The following DTNA variants were observed in gnomAD, a reference collection of about 807,000 sequenced individuals.
The protein encoded by DTNA is dystrophin-related protein 3.
A neutral mutation model predicts 100.7 loss-of-function variants in DTNA; 43 were observed. That is an observed-to-expected ratio of 0.43 (90% CI 0.33 to 0.55). The LOEUF (loss-of-function observed/expected upper bound fraction) is 0.55, where lower values mean the gene tolerates loss of function less well. Among genes scored for constraint, DTNA ranks in the 20% least tolerant of loss-of-function variants. The pLI is 0.04. For missense variants in DTNA, 798 were observed against 953.9 expected (o/e 0.84, Z 2.15); for synonymous variants, 349 against 347.9 (o/e 1.00, Z -0.04).
At chr18:34,721,325 A>T (rs1288396326) in intron 1 of DTNA, among the ~76,000 whole-genome samples, 4 of 152,222 alleles carry the variant, frequency 2.6e-5, no homozygotes, top group Non-Finnish European at 5.9e-5. Context: ...CCCTTTAAAC[A>T]TACTTTCAAG....
At chr18:34,772,183 A>G (rs978667599) in intron 3 of DTNA, among the ~76,000 whole-genome samples, 1 of 152,222 alleles carries the variant, frequency 6.6e-6, no homozygotes, top group Non-Finnish European at 1.5e-5. Flanking sequence ...CATTAGTCAT[A>G]TCAACTAAAA....
intron 3 of DTNA, among the ~76,000 whole-genome samples, chr18:34,772,767 C>A (rs777920383): frequency 6.6e-6 from 1 of 152,206 alleles, no homozygotes; most frequent in Admixed American, 6.5e-5. Context: ...TATTATCTTA[C>A]AGTTTTTGTA....
At chr18:34,589,525 C>G (rs2049478155) in intron 1 of DTNA, among the ~76,000 whole-genome samples, 1 of 152,092 alleles carries the variant, frequency 6.6e-6, no homozygotes, top group South Asian at 2.1e-4. Flanking sequence ...AGGAGAATGG[C>G]ATGAACCCAC....
chr18:34,748,448 G>A (rs1430585464), intron 1 of DTNA, among the ~76,000 whole-genome samples: 2 of 152,084 alleles, frequency 1.3e-5, no homozygotes, highest in Non-Finnish European at 2.9e-5. Context: ...AGGTCTTAGA[G>A]ATAAGTCTTT....
intron 3 of DTNA, among the ~76,000 whole-genome samples, chr18:34,769,703 G>T (rs967677827): frequency 1.5e-5 from 2 of 131,142 alleles, no homozygotes; most frequent in Non-Finnish European, 3.4e-5. Flanking sequence ...CATGGTGGAA[G>T]AAGCAAGGCA....
intron 1 of DTNA, among the ~76,000 whole-genome samples, chr18:34,545,583 T>C (rs2044694348): frequency 6.6e-6 from 1 of 152,114 alleles, no homozygotes; most frequent in Non-Finnish European, 1.5e-5. Context: ...ATGTAAAACA[T>C]TGAAATGGTT....
Position 34,890,335 on chromosome 18 carries a change from CT to C in DTNA, c.*2602del, listed in dbSNP as rs759187091. 1.3e-6 allele frequency: 2 copies of C among 1,536,124 alleles called. No individual in the cohort carries two copies. Among genetic ancestry groups the C allele is most frequent in the Non-Finnish European group, 8.7e-7 (1 of 1,146,898 alleles). On this transcript the variant is annotated 3_prime_UTR_variant, in exon 23 of 23. Coordinates refer to ENST00000444659, the MANE Select transcript of DTNA (RefSeq NM_001386795.1). ...GCACTGAGACCAGACTCGAGCACCC[CT>C]GTCCTGTAAGCGAGACAAAATGGCG...
chr18:34,724,574 G>C (rs893755592), intron 1 of DTNA, among the ~76,000 whole-genome samples: 6 of 152,206 alleles, frequency 3.9e-5, no homozygotes, highest in African/African-American at 1.4e-4. Flanking sequence ...AGGTGAAAGG[G>C]AAATAGCATA....
intron 1 of DTNA, among the ~76,000 whole-genome samples, chr18:34,711,132 G>A (rs1040097092): frequency 1.3e-5 from 2 of 152,056 alleles, no homozygotes; most frequent in Non-Finnish European, 2.9e-5. Flanking sequence ...CTTTTGCTTA[G>A]AGGCTGGTAG....
intron 15 of DTNA, among the ~76,000 whole-genome samples, chr18:34,855,084 A>C (rs1295181195): frequency 6.6e-6 from 1 of 152,174 alleles, no homozygotes; most frequent in Non-Finnish European, 1.5e-5. Flanking sequence ...ATTTCAGGAC[A>C]GTGAAATTTT....
intron 19 of DTNA, among the ~76,000 whole-genome samples, chr18:34,878,272 A>AT (rs1195625968): frequency 2.0e-5 from 3 of 152,024 alleles, no homozygotes; most frequent in African/African-American, 7.2e-5. Flanking sequence ...GCCTATTCAG[A>AT]TTTTTTAAGT....
chr18:34,560,028 A>G (rs1362220521), intron 1 of DTNA, among the ~76,000 whole-genome samples: 2 of 152,122 alleles, frequency 1.3e-5, no homozygotes, highest in Non-Finnish European at 2.9e-5. Context: ...CCTTTCCCAT[A>G]TAGACTTTTC....
At chr18:34,638,442 A>G (rs2058892666) in intron 1 of DTNA, among the ~76,000 whole-genome samples, 1 of 152,218 alleles carries the variant, frequency 6.6e-6, no homozygotes. Flanking sequence ...CAGAGCTGAG[A>G]TTGGAATCTA....
intron 1 of DTNA, chr18:34,493,820 G>T (rs1165442420): frequency 6.7e-6 from 1 of 148,674 alleles, no homozygotes; most frequent in Non-Finnish European, 1.5e-5. Context: ...GCCGGCGGGG[G>T]CAGGGATTCG....
intron 1 of DTNA, among the ~76,000 whole-genome samples, chr18:34,700,057 A>G (rs2081156583): frequency 1.3e-5 from 2 of 152,198 alleles, no homozygotes; most frequent in South Asian, 4.1e-4. Flanking sequence ...CAGACCTCCA[A>G]GCATAAACAA....
intron 1 of DTNA, among the ~76,000 whole-genome samples, chr18:34,679,788 G>A (rs930881358): frequency 1.8e-4 from 27 of 152,090 alleles, no homozygotes; most frequent in Admixed American, 9.2e-4. Flanking sequence ...AAGACTTACC[G>A]TCTTTTTGTT....
intron 22 of DTNA, among the ~76,000 whole-genome samples, chr18:34,885,934 C>G (rs1041033948): frequency 6.6e-6 from 1 of 152,134 alleles, no homozygotes; most frequent in East Asian, 1.9e-4. Context: ...CACACTGTTC[C>G]GTAAGTCTAG....
intron 5 of DTNA, among the ~76,000 whole-genome samples, chr18:34,811,213 A>G (rs2095479341): frequency 6.6e-6 from 1 of 152,214 alleles, no homozygotes; most frequent in Non-Finnish European, 1.5e-5. Flanking sequence ...AATATTCATT[A>G]AATGCACATA....
chr18:34,814,838 G>T (rs1404513962), intron 6 of DTNA, among the ~76,000 whole-genome samples: 1 of 152,162 alleles, frequency 6.6e-6, no homozygotes, highest in African/African-American at 2.4e-5. Context: ...ACTTATACAT[G>T]TTGAAATCAT....
Sources: gnomAD v4.1 joint callset for allele counts (sites outside exome capture counted in the v4.1 genomes callset) on GRCh38, gnomAD v4.1.1 for gene constraint, MANE v1.5 for transcripts, NCBI Gene and HGNC (gene_info 2026-07-23, HGNC 2026-07-21) for gene names.